KDM4B: variants seen among roughly 807,000 people sequenced by gnomAD.
KDM4B encodes the protein lysine demethylase 4B, also known as lysine-specific demethylase 4B.
In KDM4B, 32 loss-of-function variants were observed where a neutral mutation model predicts 125.2. The ratio of observed to expected loss-of-function variants is 0.26; its 90% confidence interval spans 0.19 to 0.34. The LOEUF is 0.34. Ranked by LOEUF, KDM4B falls within the 10% of genes least tolerant of loss-of-function variation. KDM4B has a pLI of 1.00. For missense variants in KDM4B, 1,190 were observed against 1,577.7 expected (o/e 0.75, Z 4.16); for synonymous variants, 721 against 677.9 (o/e 1.06, Z -0.99).
intron 2 of KDM4B, among the ~76,000 whole-genome samples, chr19:5,025,369 C>T (rs976975193): frequency 1.3e-5 from 2 of 152,172 alleles, no homozygotes; most frequent in Admixed American, 6.6e-5. Flanking sequence ...ACAGGGTTCC[C>T]GTGCTAAAAC....
Position 4,971,050 on chromosome 19 carries a change from A to G in KDM4B, c.-109+1820A>G, listed in dbSNP as rs2034240915. Among the ~76,000 whole-genome samples, 1 of 152,076 alleles carries G rather than the reference A, an allele frequency of 6.6e-6. No individual in the cohort carries two copies. Among genetic ancestry groups the G allele is most frequent in the South Asian group, 2.1e-4 (1 of 4,814 alleles). On this transcript the variant is annotated intron_variant, in intron 1 of 22. Transcript: ENST00000159111. This position sits in a 1 kb window ranked among gnomAD's most constrained non-coding sequence, Gnocchi z 4.1. ...ACAGGCTGTTTTGGTGGAAGCGTCTACTGTGTCAGGAGCTGCGGGTGCCTG... is the reference window on the plus strand; with the variant it reads ...ACAGGCTGTTTTGGTGGAAGCGTCTGCTGTGTCAGGAGCTGCGGGTGCCTG...
rs8107555 is a variant in KDM4B, at chr19:5,012,490, C to T, written c.-108-3767C>T. ...GGCCCGTAGCCGTCCCAGGATCCTTCGTGGCCCGTGGCAGTCCTGGGATCC... is the reference window on the plus strand; with the variant it reads ...GGCCCGTAGCCGTCCCAGGATCCTTTGTGGCCCGTGGCAGTCCTGGGATCC... On this transcript the variant is annotated intron_variant, in intron 1 of 22. Coordinates refer to ENST00000159111, the MANE Select transcript of KDM4B (RefSeq NM_015015.3). Among the ~76,000 whole-genome samples the T allele has an allele frequency of 4.1e-3, 625 of 152,296 alleles. 9 individuals are homozygous for T. Among genetic ancestry groups the T allele is most frequent in the African/African-American group, 0.014 (594 of 41,556 alleles).
chr19:5,060,364 G>A (rs775222262), intron 6 of KDM4B, among the ~76,000 whole-genome samples: 5 of 146,674 alleles, frequency 3.4e-5, no homozygotes, highest in Non-Finnish European at 5.9e-5. Flanking sequence ...GCGTGAACCC[G>A]GGAGGTGGAG....
chr19:5,138,100 C>A (rs766997311), intron 18 of KDM4B, 30 bp downstream of exon 18: 1 of 1,552,134 alleles, frequency 6.4e-7, no homozygotes, highest in Non-Finnish European at 8.8e-7. Context: ...GCCCACCCTG[C>A]CCGTGCCTCT....
In KDM4B at chr19:5,135,580, C is replaced by T; in HGVS notation, c.2308+19C>T. The T allele has an allele frequency of 6.4e-7, 1 of 1,563,598 alleles. No individual in the cohort carries two copies. Among genetic ancestry groups the T allele is most frequent in the South Asian group, 1.2e-5 (1 of 86,586 alleles). On this transcript the variant is annotated intron_variant, in intron 15 of 22. Transcript: ENST00000159111. ...CATGCCAGTGAGTGCCACTGTGGGG[C>T]CCAGAGGAGCTGCGCCCTCCTTCAG...
chr19:5,072,125 G>A (rs1248005924), intron 7 of KDM4B, among the ~76,000 whole-genome samples: 2 of 152,216 alleles, frequency 1.3e-5, no homozygotes, highest in African/African-American at 4.8e-5. Flanking sequence ...GGACTGCCTG[G>A]TTGCTGTCCT....
chr19:5,134,618 C>A (rs775449248), intron 14 of KDM4B, among the ~76,000 whole-genome samples: 1 of 152,234 alleles, frequency 6.6e-6, no homozygotes, highest in African/African-American at 2.4e-5. Context: ...CTTCTCTCTT[C>A]CCCTGGGCAT....
chr19:5,118,726 C>T (rs773181954), intron 10 of KDM4B, among the ~76,000 whole-genome samples: 64 of 152,276 alleles, frequency 4.2e-4, no homozygotes, highest in Non-Finnish European at 7.6e-4. Flanking sequence ...TTTTTCAGCC[C>T]CTCTCTCTCA....
intron 1 of KDM4B, among the ~76,000 whole-genome samples, chr19:5,014,487 A>G (rs913496188): frequency 1.3e-5 from 2 of 152,038 alleles, no homozygotes; most frequent in African/African-American, 4.8e-5. Context: ...TGTGTTAGCC[A>G]GGATGGTCCG....
intron 8 of KDM4B, 129 bp downstream of exon 8, chr19:5,077,599 C>A: frequency 2.7e-6 from 2 of 741,278 alleles, no homozygotes; most frequent in East Asian, 2.6e-5. Flanking sequence ...GATTAGCATG[C>A]CAGAGGAGGG....
chr19:5,109,782 G>A (rs937486255), intron 9 of KDM4B, among the ~76,000 whole-genome samples: 5 of 152,344 alleles, frequency 3.3e-5, no homozygotes, highest in East Asian at 3.9e-4. Context: ...CGTCGCCCTC[G>A]TGAGGCCTCC....
At chr19:5,060,433 C>CAAAAAAAAAAAAAAAAAAAAAAA (rs901472663) in intron 6 of KDM4B, among the ~76,000 whole-genome samples, 4 of 32,978 alleles carry the variant, frequency 1.2e-4, no homozygotes, top group East Asian at 3.2e-3. Flanking sequence ...ACTCTGTCTC[C>CAAAAAAAAAAAAAAAAAAAAAAA]AAAAAAAAAA....
intron 10 of KDM4B, among the ~76,000 whole-genome samples, chr19:5,117,792 C>T (rs557399462): frequency 2.0e-5 from 3 of 152,282 alleles, no homozygotes; most frequent in South Asian, 2.1e-4. Flanking sequence ...CCGGCCACCC[C>T]GCAGCGACCT....
chr19:5,114,368 G>T lies in KDM4B; in HGVS notation c.1115+3550G>T, dbSNP rs1007236985. ...GCCTGTCCCCTCCTGCTCTGCCTTG[G>T]CCTGTCGCCCCTGCGCCAGTGCAGG... On this transcript the variant is annotated intron_variant, in intron 10 of 22. Coordinates refer to ENST00000159111, the MANE Select transcript of KDM4B (RefSeq NM_015015.3). This position sits in a 1 kb window ranked among gnomAD's most constrained non-coding sequence, Gnocchi z 5.8. The T allele has an allele frequency of 1.1e-5, 7 of 631,534 alleles. No homozygotes were observed. In the Admixed American group the frequency reaches 1.6e-4, roughly 15 times the overall value. 39.1% of individuals were successfully genotyped at this position (631,534 alleles called of 1,614,324 possible).
chr19:5,012,846 C>T (rs868434465), intron 1 of KDM4B, among the ~76,000 whole-genome samples: 3 of 152,250 alleles, frequency 2.0e-5, no homozygotes, highest in South Asian at 2.1e-4. Context: ...ATGCTGCCCC[C>T]GACTTTCCAT....
chr19:5,001,236 C>T (rs1001064491), intron 1 of KDM4B, among the ~76,000 whole-genome samples: 1 of 152,030 alleles, frequency 6.6e-6, no homozygotes, highest in African/African-American at 2.4e-5. Flanking sequence ...CAGGGTCTTG[C>T]TATGTTGCCC....
intron 1 of KDM4B, among the ~76,000 whole-genome samples, chr19:4,991,111 C>A (rs188808140): frequency 6.6e-6 from 1 of 152,018 alleles, no homozygotes. Flanking sequence ...GAGTGAGACT[C>A]GGTCTCAAAA....
At chr19:5,072,369 C>G (rs903104743) in intron 7 of KDM4B, among the ~76,000 whole-genome samples, 3 of 152,138 alleles carry the variant, frequency 2.0e-5, no homozygotes, top group Admixed American at 1.3e-4. Context: ...GGGCTGGGCC[C>G]TCTCCTGGCA....
chr19:5,046,243 TG>T (rs1365780019), intron 5 of KDM4B, among the ~76,000 whole-genome samples: 10 of 152,234 alleles, frequency 6.6e-5, no homozygotes, highest in African/African-American at 2.4e-4. Flanking sequence ...GCCATGTGTT[TG>T]CCATGCCTAG....
Sources: allele counts gnomAD v4.1 joint callset (sites outside exome capture counted in the v4.1 genomes callset), GRCh38; gene constraint gnomAD v4.1.1; non-coding constraint Gnocchi (gnomAD v3.1); transcripts MANE v1.5; gene names NCBI Gene and HGNC (gene_info 2026-07-23, HGNC 2026-07-21).